The following TLE1 variants were observed in gnomAD, a reference collection of about 807,000 sequenced individuals.
TLE1 encodes TLE family member 1, transcriptional corepressor.
Under a neutral mutation model 89.8 loss-of-function variants are expected in TLE1, and 21 were observed. That is an observed-to-expected ratio of 0.23 (90% confidence interval 0.17 to 0.34). TLE1 has a LOEUF of 0.34. Among genes scored for constraint, TLE1 ranks in the 10% least tolerant of loss-of-function variants. The probability of loss-of-function intolerance (pLI) is 1.00; values close to 1 mark genes in which losing one functional copy is unlikely to be tolerated. For missense variants in TLE1, 795 were observed against 1,031.2 expected (o/e 0.77, Z 3.14); for synonymous variants, 447 against 407.6 (o/e 1.10, Z -1.16).
intron 4 of TLE1, among the ~76,000 whole-genome samples, chr9:81,679,721 G>T (rs1833364611): frequency 1.3e-5 from 2 of 152,100 alleles, no homozygotes; most frequent in African/African-American, 4.8e-5. Context: ...GGTACTAGTT[G>T]TGAGAATTTC....
At chr9:81,681,537 G>A (rs1342960584) in intron 4 of TLE1, among the ~76,000 whole-genome samples, 4 of 149,722 alleles carry the variant, frequency 2.7e-5, no homozygotes, top group Non-Finnish European at 5.9e-5. Context: ...GTGACGGAAC[G>A]AGATTCCGTC....
intron 4 of TLE1, among the ~76,000 whole-genome samples, chr9:81,678,620 G>A (rs768116378): frequency 9.2e-5 from 14 of 152,052 alleles, no homozygotes; most frequent in Non-Finnish European, 1.9e-4. Flanking sequence ...TTCAATACCA[G>A]CCTGGCCAAC....
intron 9 of TLE1, among the ~76,000 whole-genome samples, chr9:81,619,940 C>T (rs551982443): frequency 6.6e-6 from 1 of 152,320 alleles, no homozygotes; most frequent in South Asian, 2.1e-4. Flanking sequence ...TTGAGCTCTG[C>T]CTTGAGAAGT....
intron 6 of TLE1, among the ~76,000 whole-genome samples, chr9:81,638,832 C>T (rs1827731773): frequency 6.6e-6 from 1 of 152,258 alleles, no homozygotes; most frequent in African/African-American, 2.4e-5. Context: ...ACCACATTGG[C>T]CAGGCTGGTC....
At chr9:81,610,369 T>C (rs768978270) in intron 13 of TLE1, 73 bp from the exon 14 acceptor site, 12 of 1,121,714 alleles carry the variant, frequency 1.1e-5, no homozygotes, top group East Asian at 2.4e-5. Context: ...ATACTGTTCA[T>C]TAGAAACTCA....
intron 9 of TLE1, among the ~76,000 whole-genome samples, chr9:81,618,977 C>T (rs10867781): frequency 0.26 from 39,391 of 151,862 alleles, 5,487 homozygotes; most frequent in Non-Finnish European, 0.32. Flanking sequence ...ATCTATCCAA[C>T]CAGACAAACC....
chr9:81,588,806 A>G (rs1183728630), intron 16 of TLE1, among the ~76,000 whole-genome samples: 1 of 152,068 alleles, frequency 6.6e-6, no homozygotes, highest in African/African-American at 2.4e-5. Flanking sequence ...TCCAGTAAAG[A>G]ACTGCGTGGG....
intron 6 of TLE1, among the ~76,000 whole-genome samples, chr9:81,640,974 A>G (rs1828035772): frequency 6.6e-6 from 1 of 152,220 alleles, no homozygotes; most frequent in Non-Finnish European, 1.5e-5. Flanking sequence ...ATGTCATAAA[A>G]ATCACAGACT....
chr9:81,639,786 G>C lies in TLE1; in HGVS notation c.373-5485C>G, dbSNP rs560628111. Among the ~76,000 whole-genome samples, 3 of 152,018 alleles carry C rather than the reference G, an allele frequency of 2.0e-5. No individual in the cohort carries two copies. In the South Asian group the frequency reaches 6.2e-4, roughly 32 times the overall value. On this transcript the variant is annotated intron_variant, in intron 6 of 19. Transcript: ENST00000376499. Reference sequence around the variant, plus strand: ...TTTAGTAGAGATGGGGTTTTGCCATGTTGGCCAGGCTAGTCTCGAACTCCT... The same window carrying C: ...TTTAGTAGAGATGGGGTTTTGCCATCTTGGCCAGGCTAGTCTCGAACTCCT...
chr9:81,688,193 C>G (rs1834620070), intron 1 of TLE1, 24 bp downstream of exon 1: 2 of 1,599,804 alleles, frequency 1.3e-6, no homozygotes. Context: ...CCTGGCCCCC[C>G]ACCACCACCC....
At chr9:81,633,128 G>A (rs1023030275) in intron 8 of TLE1, among the ~76,000 whole-genome samples, 2 of 152,102 alleles carry the variant, frequency 1.3e-5, no homozygotes, top group Admixed American at 6.5e-5. Flanking sequence ...CTTGTCTGAT[G>A]CAAGTTTTGT....
chr9:81,657,904 ATTTT>A (rs34624864), intron 4 of TLE1, among the ~76,000 whole-genome samples: 2 of 134,010 alleles, frequency 1.5e-5, no homozygotes, highest in Non-Finnish European at 1.6e-5. Context: ...TACAGACATA[ATTTT>A]TTTTTTTTTT....
intron 6 of TLE1, among the ~76,000 whole-genome samples, chr9:81,645,709 C>T (rs1033923500): frequency 2.0e-5 from 3 of 152,020 alleles, no homozygotes; most frequent in African/African-American, 4.8e-5. Context: ...CACTGCACTC[C>T]AGCCTGGGCA....
At position 81,619,010 on chromosome 9, in the gene TLE1, T is replaced by C. The variant is rs1356222885; in HGVS notation, c.711+1431A>G. 3.3e-5 allele frequency among the ~76,000 whole-genome samples: 5 copies of C among 152,160 alleles called. No individual in the cohort carries two copies. The East Asian group carries it at 5.8e-4, about 18-fold the overall frequency. On this transcript the variant is annotated intron_variant, in intron 9 of 19. Coordinates refer to ENST00000376499, the MANE Select transcript of TLE1 (RefSeq NM_005077.5). Reference sequence around the variant, plus strand: ...ACCTAGTACATGCAGGTTACAAAACTACCACGGCAAGCTTTATGGATTCTA... The same window carrying C: ...ACCTAGTACATGCAGGTTACAAAACCACCACGGCAAGCTTTATGGATTCTA...
chr9:81,613,768 TTTTAA>T (rs1824017678), intron 11 of TLE1, among the ~76,000 whole-genome samples: 1 of 152,172 alleles, frequency 6.6e-6, no homozygotes, highest in African/African-American at 2.4e-5. Context: ...GCAGATTTTA[TTTTAA>T]AAGTATTTTC....
intron 4 of TLE1, among the ~76,000 whole-genome samples, chr9:81,657,644 G>A (rs1830298304): frequency 6.6e-6 from 1 of 151,982 alleles, no homozygotes; most frequent in South Asian, 2.1e-4. Flanking sequence ...TGAAAGCAAA[G>A]GCAATGAATA....
rs556406803 is a variant in TLE1 at position 81,649,759 on chromosome 9, C to T, written c.372+2455G>A. On this transcript the variant is annotated intron_variant, in intron 6 of 19. Coordinates refer to ENST00000376499, the MANE Select transcript of TLE1 (RefSeq NM_005077.5). The stretch of plus-strand genomic sequence containing the variant: ...ACAGACAGTTTCCCGGTACCTCCTC[C>T]CCTCTGGGGAGACAGGTTGACACAC... Among the ~76,000 whole-genome samples, 176 of 152,230 alleles carry T rather than the reference C, an allele frequency of 1.2e-3. 2 individuals are homozygous for T. The highest frequency in any genetic ancestry group is 1.1e-3 in the Non-Finnish European group (72 of 68,024).
Position 81,612,150 on chromosome 9 carries a change from G to A in TLE1, c.1064-191C>T, listed in dbSNP as rs181240340. 7 of 615,884 alleles carry A rather than the reference G, an allele frequency of 1.1e-5. 1 individual carries two copies. In the East Asian group the frequency reaches 2.4e-4, roughly 21 times the overall value. The allele number at this position is 615,884 out of a possible 1,614,324, so 38.2% of individuals were successfully genotyped here. On this transcript the variant is annotated intron_variant, in intron 12 of 19. Coordinates refer to ENST00000376499, the MANE Select transcript of TLE1 (RefSeq NM_005077.5). Reference sequence around the variant, plus strand: ...CTTCCCCAGAGCGAATGCATCTCCAGGAAAGAAAAGACTCCAGGGGAAGCA... The same window carrying A: ...CTTCCCCAGAGCGAATGCATCTCCAAGAAAGAAAAGACTCCAGGGGAAGCA...
At chr9:81,587,131 C>T (rs368364547) in intron 17 of TLE1, among the ~76,000 whole-genome samples, 2 of 152,154 alleles carry the variant, frequency 1.3e-5, no homozygotes, top group Admixed American at 6.5e-5. Context: ...CAAAAGTCTG[C>T]AAATCTAGTC....
Sources: allele counts gnomAD v4.1 joint callset (sites outside exome capture counted in the v4.1 genomes callset), GRCh38; gene constraint gnomAD v4.1.1; transcripts MANE v1.5; gene names NCBI Gene and HGNC (gene_info 2026-07-23, HGNC 2026-07-21).